The following RCOR3 variants were observed in gnomAD, a reference collection of about 807,000 sequenced individuals.
The protein encoded by RCOR3 is REST corepressor 3.
A neutral mutation model predicts 64.1 loss-of-function variants in RCOR3; 13 were observed. The observed-to-expected ratio is 0.20, with a 90% CI of 0.13 to 0.32. The LOEUF is 0.32. Ranked by LOEUF, RCOR3 falls within the 10% of genes least tolerant of loss-of-function variation. The pLI is 1.00. For missense variants in RCOR3, 489 were observed against 701.2 expected, an observed-to-expected ratio of 0.70 and a Z score of 3.42; for synonymous variants, 215 against 239.0, an observed-to-expected ratio of 0.90 and a Z score of 0.93.
chr1:211,260,934 C>G (rs926243380), intron 2 of RCOR3: 2 of 152,240 alleles, frequency 1.3e-5, no homozygotes, highest in Non-Finnish European at 2.9e-5. Context: ...AACAGGCTCC[C>G]CGGCGGTCAC....
intron 8 of RCOR3, among the ~76,000 whole-genome samples, chr1:211,294,317 A>T (rs1699598399): frequency 6.6e-6 from 1 of 152,172 alleles, no homozygotes; most frequent in African/African-American, 2.4e-5. Context: ...TTGCATAATA[A>T]TTCACAAACT....
chr1:211,259,824 C>T, intron 1 of RCOR3, 98 bp downstream of exon 1: 2 of 1,226,678 alleles, frequency 1.6e-6, no homozygotes, highest in Non-Finnish European at 2.2e-6. Context: ...CCTCCCTCCC[C>T]TCAGAGCCTG....
At chr1:211,274,345 C>G in intron 4 of RCOR3, 83 bp downstream of exon 4, 1 of 973,946 alleles carries the variant, frequency 1.0e-6, no homozygotes, top group Non-Finnish European at 1.6e-6. Context: ...TCTGTCCTAA[C>G]AGCGTGCATA....
intron 7 of RCOR3, among the ~76,000 whole-genome samples, chr1:211,283,161 C>T (rs945570830): frequency 1.4e-4 from 22 of 152,180 alleles, no homozygotes; most frequent in African/African-American, 4.8e-4. Context: ...TCCTTTGGTA[C>T]AATAGTTCTC....
chr1:211,289,476 G>A (rs1386912170), intron 8 of RCOR3, 80 bp downstream of exon 8: 2 of 1,146,402 alleles, frequency 1.7e-6, no homozygotes, highest in African/African-American at 1.6e-5. Flanking sequence ...GTTGAGCTCA[G>A]TTGTTTGCAG....
intron 4 of RCOR3, among the ~76,000 whole-genome samples, chr1:211,274,775 A>T (rs1417847443): frequency 6.6e-6 from 1 of 151,934 alleles, no homozygotes; most frequent in Non-Finnish European, 1.5e-5. Flanking sequence ...TAACTTCAAA[A>T]GGATATATCT....
chr1:211,294,810 T>C (rs1328034293), intron 8 of RCOR3, among the ~76,000 whole-genome samples: 1 of 151,952 alleles, frequency 6.6e-6, no homozygotes, highest in East Asian at 1.9e-4. Flanking sequence ...AGGATGGTCT[T>C]GATCTCCTGA....
chr1:211,271,948 G>A (rs76466695), intron 3 of RCOR3: 4,592 of 159,040 alleles, frequency 0.029, 90 homozygotes, highest in South Asian at 0.073. Flanking sequence ...CAACAACAAC[G>A]ACACTGAACA....
intron 10 of RCOR3, among the ~76,000 whole-genome samples, chr1:211,307,186 GA>G (rs566720870): frequency 1.5e-3 from 223 of 152,190 alleles, no homozygotes; most frequent in African/African-American, 5.2e-3. Context: ...ACAGAATTCA[GA>G]AATTAAGAAT....
chr1:211,274,777 G>A (rs928450060), intron 4 of RCOR3, among the ~76,000 whole-genome samples: 1 of 151,730 alleles, frequency 6.6e-6, no homozygotes, highest in Non-Finnish European at 1.5e-5. Flanking sequence ...ACTTCAAAAG[G>A]ATATATCTAT....
chr1:211,269,332 G>A (rs774028218), intron 2 of RCOR3, among the ~76,000 whole-genome samples: 9 of 151,926 alleles, frequency 5.9e-5, no homozygotes, highest in East Asian at 1.9e-4. Flanking sequence ...GCATGGTGGC[G>A]TGTTCCTGTA....
In RCOR3 at chr1:211,313,996, T is replaced by G; in HGVS notation, c.*228T>G. 2.0e-6 allele frequency: 1 copy of G among 498,766 alleles called. No homozygotes were observed. The highest frequency in any genetic ancestry group is 3.6e-6 in the Non-Finnish European group (1 of 281,330). 30.9% of individuals were successfully genotyped at this position (498,766 alleles called of 1,614,324 possible). On this transcript the variant is annotated 3_prime_UTR_variant, in exon 12 of 12. Transcript: ENST00000419091. The surrounding 1 kb of genome is among the most constrained non-coding windows in gnomAD (Gnocchi z 4.7). ...GTTAGCCTCCTTTCTAGAGTATATGTTCAGCAATGTTGATCTCATAAAAGG... is the reference window on the plus strand; with the variant it reads ...GTTAGCCTCCTTTCTAGAGTATATGGTCAGCAATGTTGATCTCATAAAAGG...
chr1:211,313,239 T>A lies in RCOR3; in HGVS notation c.1318-185T>A. ...AAAGATGCCTGTTTGGTAGCCTCATTGGTTTTTGGTTTTTGGTTTTGTTTT... is the reference window on the plus strand; with the variant it reads ...AAAGATGCCTGTTTGGTAGCCTCATAGGTTTTTGGTTTTTGGTTTTGTTTT... On this transcript the variant is annotated intron_variant, in intron 11 of 11. Transcript: ENST00000419091. The surrounding 1 kb of genome is among the most constrained non-coding windows in gnomAD (Gnocchi z 4.7). 7.0e-7 allele frequency: 1 copy of A among 1,430,654 alleles called. No homozygotes were observed. 88.6% of individuals were successfully genotyped at this position (1,430,654 alleles called of 1,614,324 possible).
chr1:211,268,142 T>C (rs941077934), intron 2 of RCOR3, among the ~76,000 whole-genome samples: 5 of 152,176 alleles, frequency 3.3e-5, no homozygotes, highest in African/African-American at 1.2e-4. Context: ...TTGTGCAGAA[T>C]AATCAGTTCC....
At chr1:211,265,237 T>C (rs1332144080) in intron 2 of RCOR3, among the ~76,000 whole-genome samples, 1 of 152,126 alleles carries the variant, frequency 6.6e-6, no homozygotes, top group Admixed American at 6.5e-5. Context: ...AATAAAGTCT[T>C]TATCTGTATT....
chr1:211,290,798 T>A (rs1464070179), intron 8 of RCOR3, among the ~76,000 whole-genome samples: 1 of 152,206 alleles, frequency 6.6e-6, no homozygotes, highest in East Asian at 1.9e-4. Context: ...TAGTTTCTAC[T>A]TGCCTTTAGC....
chr1:211,295,772 C>T lies in RCOR3; in HGVS notation c.1017+19C>T, dbSNP rs1699802906. The T allele has an allele frequency of 1.2e-6, 2 of 1,602,346 alleles. No homozygotes were observed. The highest frequency in any genetic ancestry group is 1.7e-6 in the Non-Finnish European group (2 of 1,169,874). ...TCCTGAGGTATGTTATTGAAGGATA[C>T]ATGTGATTAAGTATAGTGAAAACTT... On this transcript the variant is annotated intron_variant, in intron 9 of 11. Coordinates refer to ENST00000419091, the MANE Select transcript of RCOR3 (RefSeq NM_001136223.3).
chr1:211,267,158 A>G (rs1260104058), intron 2 of RCOR3, among the ~76,000 whole-genome samples: 1 of 152,152 alleles, frequency 6.6e-6, no homozygotes, highest in Non-Finnish European at 1.5e-5. Flanking sequence ...TTTTTGAGCA[A>G]CTCTGTCAGG....
intron 2 of RCOR3, among the ~76,000 whole-genome samples, chr1:211,261,678 T>G (rs566494554): frequency 2.0e-4 from 30 of 152,048 alleles, no homozygotes; most frequent in African/African-American, 7.0e-4. Flanking sequence ...TCCCAGCACT[T>G]TGGGAGGCTG....
Sources: allele counts gnomAD v4.1 joint callset (sites outside exome capture counted in the v4.1 genomes callset), GRCh38; gene constraint gnomAD v4.1.1; non-coding constraint Gnocchi (gnomAD v3.1); transcripts MANE v1.5; gene names NCBI Gene and HGNC (gene_info 2026-07-23, HGNC 2026-07-21).